Variants in TRAF4 observed in about 807,000 individuals in gnomAD.
The protein encoded by TRAF4 is TNF receptor-associated factor 4.
In TRAF4, 9 loss-of-function variants were observed where a neutral mutation model predicts 47.3. The ratio of observed to expected loss-of-function variants is 0.19; its 90% CI spans 0.11 to 0.33. The LOEUF is 0.33. TRAF4 is among the 10% of genes least tolerant of loss of function. The pLI is 1.00. For missense variants in TRAF4, 448 were observed against 620.3 expected, an observed-to-expected ratio of 0.72 and a Z score of 2.95; for synonymous variants, 236 against 236.9, an observed-to-expected ratio of 1.00 and a Z score of 0.04.
chr17:28,746,356 G>A (rs1258322098), intron 1 of TRAF4, among the ~76,000 whole-genome samples: 4 of 152,254 alleles, frequency 2.6e-5, no homozygotes, highest in African/African-American at 4.8e-5. Context: ...CATGCCAACA[G>A]GCTCCTTGGG....
intron 1 of TRAF4, among the ~76,000 whole-genome samples, chr17:28,746,120 G>A (rs939503792): frequency 1.3e-5 from 2 of 152,244 alleles, no homozygotes; most frequent in Admixed American, 1.3e-4. Context: ...GTTGGGGCAT[G>A]GACTGCCTGG....
chr17:28,747,394 A>G, intron 2 of TRAF4, 130 bp downstream of exon 2: 1 of 1,155,028 alleles, frequency 8.7e-7, no homozygotes, highest in Non-Finnish European at 1.2e-6. Flanking sequence ...CCACAAAGGT[A>G]GCCTGTTCCC....
intron 1 of TRAF4, chr17:28,744,979 A>G (rs2034486629): frequency 6.6e-6 from 1 of 152,318 alleles, no homozygotes; most frequent in Non-Finnish European, 1.5e-5. Context: ...GCTCTTGGGC[A>G]TCCATCAAGT....
intron 3 of TRAF4, 23 bp from the exon 4 acceptor site, chr17:28,747,994 A>G (rs1417635220): frequency 1.2e-6 from 2 of 1,614,034 alleles, no homozygotes; most frequent in Admixed American, 1.7e-5. Context: ...CTTGGCAGGC[A>G]CTAATTGCAG....
Position 28,744,223 on chromosome 17 carries a change from T to G in TRAF4, c.111T>G (p.Arg37=). ...TGCAGGTTTCCACCTGCGGCCACCG[T>G]TTCTGCGATACCTGCCTGCAGGAGT... ...EPVQVSTCGH[R]FCDTCLQEFL... is the part of the protein sequence containing the mutation. The change falls in exon 1 of 7, where the codon CGT becomes CGG. Residue 37 remains arginine, a synonymous_variant. Transcript: ENST00000262395. The G allele has an allele frequency of 6.3e-7, 1 of 1,594,760 alleles. No homozygotes were observed. The highest frequency in any genetic ancestry group is 2.2e-5 in the East Asian group (1 of 44,468).
rs763962989 is a variant in TRAF4, at chr17:28,744,274, G to T, written c.143+19G>T. On this transcript the variant is annotated intron_variant, in intron 1 of 6. Transcript: ENST00000262395. ...TCCTCAGGTGCTGGCCGGGGAGCAGGGGACAGCGGGGGCGGGGCGGGGCGG... is the reference window on the plus strand; with the variant it reads ...TCCTCAGGTGCTGGCCGGGGAGCAGTGGACAGCGGGGGCGGGGCGGGGCGG... 2 of 1,558,024 alleles carry T rather than the reference G, an allele frequency of 1.3e-6. No homozygotes were observed. The highest frequency in any genetic ancestry group is 1.7e-6 in the Non-Finnish European group (2 of 1,159,290).
chr17:28,745,545 T>A (rs1213105132), intron 1 of TRAF4: 1 of 29,818 alleles, frequency 3.4e-5, no homozygotes, highest in Non-Finnish European at 5.8e-5. Context: ...TCCACCACCT[T>A]CTTGGCCCCC....
Position 28,748,544 on chromosome 17 carries a change from G to C in TRAF4, c.658G>C (p.Ala220Pro). 1 of 1,613,510 alleles carries C rather than the reference G, an allele frequency of 6.2e-7. No individual in the cohort carries two copies. Among genetic ancestry groups the C allele is most frequent in the Non-Finnish European group, 8.5e-7 (1 of 1,179,964 alleles). Residue 220 changes from alanine to proline, a missense_variant, in exon 6 of 7, where the codon GCC becomes CCC. Transcript: ENST00000262395. Reference protein sequence around the residue: ...HQYQCPRLPVACPNQCGVGTV... With the variant: ...HQYQCPRLPVPCPNQCGVGTV... ...GTACCAGTGCCCAAGGCTGCCTGTT[G>C]CCTGCCCCAACCAATGTGGTGTGGG...
chr17:28,747,641 G>A (rs887172052), intron 2 of TRAF4: 3 of 603,572 alleles, frequency 5.0e-6, no homozygotes, highest in Admixed American at 3.0e-5. Context: ...CAAAGGAAGC[G>A]TCCTGTGCAG....
rs1470520113 is a variant in TRAF4 at position 28,749,168 on chromosome 17, C to T, written c.1004C>T (p.Pro335Leu). 1 of 1,613,986 alleles carries T rather than the reference C, an allele frequency of 6.2e-7. No individual in the cohort carries two copies. Among genetic ancestry groups the T allele is most frequent in the Non-Finnish European group, 8.5e-7 (1 of 1,180,060 alleles). The change falls in exon 7 of 7, where the codon CCA (proline) becomes CTA (leucine). Residue 335 changes from proline (P) to leucine (L), a missense_variant. Coordinates refer to ENST00000262395, the MANE Select transcript of TRAF4 (RefSeq NM_004295.4). ...AAGCCCAACCTTGAGTGCTTCAGCCCAGCCTTCTACACACATAAGTATGGT... is the reference window on the plus strand; with the variant it reads ...AAGCCCAACCTTGAGTGCTTCAGCCTAGCCTTCTACACACATAAGTATGGT... ...KAKPNLECFS[P>L]AFYTHKYGYK...
chr17:28,749,214 A>G lies in TRAF4; in HGVS notation c.1050A>G (p.Ala350=). Residue 350 remains alanine, a synonymous_variant, in exon 7 of 7, where the codon GCA becomes GCG. Coordinates refer to ENST00000262395, the MANE Select transcript of TRAF4 (RefSeq NM_004295.4). The part of the protein sequence containing the change: ...HKYGYKLQVS[A]FLNGNGSGEG... The stretch of plus-strand genomic sequence containing the variant: ...ATGGTTACAAGCTGCAGGTGTCTGC[A>G]TTCCTCAATGGCAATGGCAGTGGTG... 1 of 1,614,124 alleles carries G rather than the reference A, an allele frequency of 6.2e-7. No homozygotes were observed. The highest frequency in any genetic ancestry group is 8.5e-7 in the Non-Finnish European group (1 of 1,180,050).
At chr17:28,746,449 T>C (rs1357786423) in intron 1 of TRAF4, among the ~76,000 whole-genome samples, 1 of 152,238 alleles carries the variant, frequency 6.6e-6, no homozygotes, top group Admixed American at 6.5e-5. Flanking sequence ...AGAAGCCCAC[T>C]GAGCAGTGCC....
intron 2 of TRAF4, 140 bp from the exon 3 acceptor site, chr17:28,747,703 C>G (rs563850362): frequency 1.2e-5 from 9 of 756,702 alleles, no homozygotes; most frequent in Non-Finnish European, 1.9e-5. Flanking sequence ...GCCCTTCATC[C>G]CTGGACTCAA....
rs149112104 is a variant in TRAF4 at position 28,746,534 on chromosome 17, G to A, written c.144-679G>A. ...TTCCTTGTGTGTGTGGTGTAGTAGA[G>A]CCTGTCTGAGCTGTGGAGTCAGACA... is the stretch of plus-strand genomic sequence containing the variant. On this transcript the variant is annotated intron_variant, in intron 1 of 6. Transcript: ENST00000262395. 5.3e-5 allele frequency among the ~76,000 whole-genome samples: 8 copies of A among 152,342 alleles called. No homozygotes were observed. The East Asian group carries it at 1.5e-3, about 29-fold the overall frequency.
chr17:28,747,300 G>C (rs1489647066), intron 2 of TRAF4, 36 bp downstream of exon 2: 5 of 1,605,538 alleles, frequency 3.1e-6, no homozygotes, highest in Non-Finnish European at 4.2e-6. Flanking sequence ...CCCAAGCACA[G>C]TCTGTTGCCC....
At position 28,744,126 on chromosome 17, in the gene TRAF4, A is replaced by T. The variant is rs2034468157; in HGVS notation, c.14A>T (p.Asp5Val). 4 of 1,580,416 alleles carry T rather than the reference A, an allele frequency of 2.5e-6. No individual in the cohort carries two copies. Among genetic ancestry groups the T allele is most frequent in the East Asian group, 2.3e-5 (1 of 42,764 alleles). MPGF[D>V]YKFLEKPKRR... is the part of the protein sequence containing the mutation. ...CGCTCGCCCGCCATGCCTGGCTTCG[A>T]CTACAAGTTCCTGGAGAAGCCCAAG... Residue 5 changes from aspartate (D) to valine (V), a missense_variant, in exon 1 of 7, where the codon GAC (aspartate) becomes GTC (valine). Physicochemically the swap from Asp to Val is radical, Grantham distance 152. Coordinates refer to ENST00000262395, the MANE Select transcript of TRAF4 (RefSeq NM_004295.4).
rs2034465314 is a variant in TRAF4 at position 28,744,041 on chromosome 17, C to T, written c.-72C>T. 2 of 1,078,670 alleles carry T rather than the reference C, an allele frequency of 1.9e-6. No homozygotes were observed. The highest frequency in any genetic ancestry group is 2.2e-6 in the Non-Finnish European group (2 of 893,340). 66.8% of individuals were successfully genotyped at this position (1,078,670 alleles called of 1,614,324 possible). A position where few individuals can be genotyped will look rare whatever the true frequency, so the allele number is the denominator to read the frequency against. ...GCGCCGCCCGGAGCCGGGAGCGCCG[C>T]TCCAGCGAGGCGCGGGCTGTGGGGC... On this transcript the variant is annotated 5_prime_UTR_variant, in exon 1 of 7. Coordinates refer to ENST00000262395, the MANE Select transcript of TRAF4 (RefSeq NM_004295.4).
intron 1 of TRAF4, 108 bp from the exon 2 acceptor site, chr17:28,747,105 T>C: frequency 1.5e-6 from 2 of 1,300,370 alleles, no homozygotes; most frequent in South Asian, 1.3e-5. Flanking sequence ...TCTAGGCTGG[T>C]TGGGAACCGG....
In TRAF4 at chr17:28,750,062, C is replaced by G; in HGVS notation, c.*485C>G. ...AGGGGAGCCCTGATTTTTAATAAATCCGGAATTGTATTTATTAATTTGCTT... is the reference window on the plus strand; with the variant it reads ...AGGGGAGCCCTGATTTTTAATAAATGCGGAATTGTATTTATTAATTTGCTT... On this transcript the variant is annotated 3_prime_UTR_variant, in exon 7 of 7. Coordinates refer to ENST00000262395, the MANE Select transcript of TRAF4 (RefSeq NM_004295.4). 1.7e-6 allele frequency: 1 copy of G among 586,282 alleles called. No individual in the cohort carries two copies. Among genetic ancestry groups the G allele is most frequent in the Non-Finnish European group, 3.0e-6 (1 of 328,640 alleles). 36.3% of individuals were successfully genotyped at this position (586,282 alleles called of 1,614,324 possible).
Sources: gnomAD v4.1 joint callset for allele counts (sites outside exome capture counted in the v4.1 genomes callset) on GRCh38, gnomAD v4.1.1 for gene constraint, MANE v1.5 for transcripts, NCBI Gene and HGNC (gene_info 2026-07-23, HGNC 2026-07-21) for gene names.